PDGFC: variants seen among roughly 807,000 people sequenced by gnomAD.
PDGFC encodes platelet derived growth factor C.
PDGFC carries 12 observed loss-of-function variants against 35.5 expected under a neutral mutation model. That is an observed-to-expected ratio of 0.34 (90% CI 0.22 to 0.55). The LOEUF (loss-of-function observed/expected upper bound fraction) is 0.55, where lower values mean the gene tolerates loss of function less well. PDGFC is among the 20% of genes least tolerant of loss of function. The pLI, the probability that PDGFC is intolerant of heterozygous loss-of-function variation, is 0.91. For synonymous variants in PDGFC, 159 were observed against 148.8 expected (o/e 1.07, Z -0.50); for missense variants, 322 against 412.4 (o/e 0.78, Z 1.90).
At chr4:156,898,710 G>A (rs902111963) in intron 1 of PDGFC, among the ~76,000 whole-genome samples, 8 of 151,142 alleles carry the variant, frequency 5.3e-5, no homozygotes, top group East Asian at 1.9e-4. Flanking sequence ...CCAGCCTGGC[G>A]TGCACTGGCA....
intron 2 of PDGFC, among the ~76,000 whole-genome samples, chr4:156,832,253 C>CTTTTTTTTTTTTTTT (rs542396769): frequency 7.4e-5 from 9 of 121,134 alleles, no homozygotes; most frequent in Non-Finnish European, 1.0e-4. Flanking sequence ...TTCTTTCTTT[C>CTTTTTTTTTTTTTTT]TTTTTTTTTT....
intron 2 of PDGFC, among the ~76,000 whole-genome samples, chr4:156,819,547 A>C (rs1732190926): frequency 6.6e-6 from 1 of 152,330 alleles, no homozygotes; most frequent in East Asian, 1.9e-4. Flanking sequence ...ATGGTTTACT[A>C]AATATTTTAA....
intron 1 of PDGFC, among the ~76,000 whole-genome samples, chr4:156,916,499 C>G (rs1219448577): frequency 6.6e-6 from 1 of 152,176 alleles, no homozygotes; most frequent in Non-Finnish European, 1.5e-5. Context: ...TGTCACATAC[C>G]TTACTAGGCC....
chr4:156,933,917 T>C (rs184781840), intron 1 of PDGFC, among the ~76,000 whole-genome samples: 50 of 152,320 alleles, frequency 3.3e-4, no homozygotes, highest in African/African-American at 1.1e-3. Flanking sequence ...TCCCCAGCCA[T>C]GTGGAACTGT....
At position 156,850,418 on chromosome 4, in the gene PDGFC, T is replaced by G; in HGVS notation, c.119-2A>C. On this transcript the variant is annotated splice_acceptor_variant, in intron 1 of 5. Coordinates refer to ENST00000502773, the MANE Select transcript of PDGFC (RefSeq NM_016205.3). LOFTEE classifies it high-confidence loss of function. ...TCTCATGCTGAGGATCTTGTACTCC[T>G]AAAGCAAAAAACATAGACATAGACA... 6.4e-7 allele frequency: 1 copy of G among 1,553,794 alleles called. No homozygotes were observed. The highest frequency in any genetic ancestry group is 8.7e-7 in the Non-Finnish European group (1 of 1,144,154).
At chr4:156,805,388 G>C (rs150815569) in intron 3 of PDGFC, among the ~76,000 whole-genome samples, 2 of 151,794 alleles carry the variant, frequency 1.3e-5, no homozygotes, top group Admixed American at 1.3e-4. Flanking sequence ...CTTAATTCTC[G>C]AGGTAAATAC....
intron 1 of PDGFC, among the ~76,000 whole-genome samples, chr4:156,919,789 C>T (rs1472501042): frequency 5.9e-5 from 9 of 152,206 alleles, no homozygotes; most frequent in Non-Finnish European, 1.3e-4. Flanking sequence ...AATATTTTAG[C>T]TCTCTAGGAA....
intron 1 of PDGFC, among the ~76,000 whole-genome samples, chr4:156,914,739 C>T (rs963442072): frequency 1.3e-5 from 2 of 152,162 alleles, no homozygotes; most frequent in African/African-American, 4.8e-5. Context: ...CTGGTGATTT[C>T]TAAAAGTCTC....
In PDGFC at chr4:156,762,428, CTTCTT is replaced by C. The variant is rs1000338811; in HGVS notation, c.*657_*661del. 6.6e-6 allele frequency: 1 copy of C among 152,524 alleles called. No individual in the cohort carries two copies. The highest frequency in any genetic ancestry group is 1.5e-5 in the Non-Finnish European group (1 of 68,018). The allele number at this position is 152,524 out of a possible 1,614,324, so 9.4% of individuals were successfully genotyped here. A position where few individuals can be genotyped will look rare whatever the true frequency, so the allele number is the denominator to read the frequency against. ...TCGATAAAGTGAAGATAAGGCCACTCTTCTTTTCAGGTTTATCTCTTCCAAACCAT... is the reference window on the plus strand; with the variant it reads ...TCGATAAAGTGAAGATAAGGCCACTCTTCAGGTTTATCTCTTCCAAACCAT... On this transcript the variant is annotated 3_prime_UTR_variant, in exon 6 of 6. Transcript: ENST00000502773.
chr4:156,866,509 T>C (rs1729845916), intron 1 of PDGFC, among the ~76,000 whole-genome samples: 1 of 152,128 alleles, frequency 6.6e-6, no homozygotes, highest in African/African-American at 2.4e-5. Context: ...ACAGTTACCA[T>C]GTGCAGTGGG....
chr4:156,904,046 A>T (rs1353452652), intron 1 of PDGFC, among the ~76,000 whole-genome samples: 2 of 152,152 alleles, frequency 1.3e-5, no homozygotes, highest in African/African-American at 4.8e-5. Flanking sequence ...ACAATAATTG[A>T]TTTTGTAAAT....
At chr4:156,794,619 A>G (rs1211000230) in intron 3 of PDGFC, among the ~76,000 whole-genome samples, 5 of 152,022 alleles carry the variant, frequency 3.3e-5, no homozygotes, top group African/African-American at 1.2e-4. Context: ...CTTTTTATTA[A>G]TAAGATAAAA....
At chr4:156,780,107 G>GTTTTTTTTTTTTTTTTTTTT (rs35403686) in intron 3 of PDGFC, among the ~76,000 whole-genome samples, 1 of 125,026 alleles carries the variant, frequency 8.0e-6, no homozygotes, top group African/African-American at 2.9e-5. Flanking sequence ...CAAAATTAAG[G>GTTTTTTTTTTTTTTTTTTTT]TTTTTTTTTT....
intron 3 of PDGFC, among the ~76,000 whole-genome samples, chr4:156,795,875 C>T (rs1310959932): frequency 2.6e-5 from 4 of 152,126 alleles, no homozygotes; most frequent in African/African-American, 9.7e-5. Flanking sequence ...TGAATCTTGA[C>T]ATCAGTTTAA....
intron 3 of PDGFC, among the ~76,000 whole-genome samples, chr4:156,801,132 C>T (rs1172443759): frequency 1.3e-5 from 2 of 152,002 alleles, no homozygotes; most frequent in African/African-American, 4.8e-5. Flanking sequence ...TTCTGATGAC[C>T]AATAGCTCCA....
rs1390899557 is a variant in PDGFC, at chr4:156,825,587, T to TAAGAAGAAGAAG, written c.315-14571_315-14570insCTTCTTCTTCTT. 4.4e-3 allele frequency among the ~76,000 whole-genome samples: 382 copies of TAAGAAGAAGAAG among 87,050 alleles called. 1 individual carries two copies. Among genetic ancestry groups the TAAGAAGAAGAAG allele is most frequent in the East Asian group, 6.0e-3 (17 of 2,856 alleles). The allele number at this position is 87,050 out of a possible 152,430, so 57.1% of individuals were successfully genotyped here. On this transcript the variant is annotated intron_variant, in intron 2 of 5. Transcript: ENST00000502773. ...ATAATAATAATAATAATAATAATAA[T>TAAGAAGAAGAAG]AATAATAAGAAGAAGAAGAAGAAGA...
intron 1 of PDGFC, among the ~76,000 whole-genome samples, chr4:156,942,487 C>G: frequency 6.6e-6 from 1 of 151,734 alleles, no homozygotes; most frequent in East Asian, 1.9e-4. Flanking sequence ...AGTAACACTA[C>G]AGCTGTATGA....
At chr4:156,929,815 C>T (rs969504740) in intron 1 of PDGFC, among the ~76,000 whole-genome samples, 6 of 152,160 alleles carry the variant, frequency 3.9e-5, no homozygotes, top group Non-Finnish European at 5.9e-5. Flanking sequence ...TTTGATTTCA[C>T]AAGTTACCTC....
chr4:156,850,515 C>A, intron 1 of PDGFC, 99 bp from the exon 2 acceptor site: 1 of 583,882 alleles, frequency 1.7e-6, no homozygotes, highest in Non-Finnish European at 2.9e-6. Flanking sequence ...CAGACAAGTG[C>A]TGAGTGTGTT....
Sources: gnomAD v4.1 joint callset for allele counts (sites outside exome capture counted in the v4.1 genomes callset) on GRCh38, gnomAD v4.1.1 for gene constraint, MANE v1.5 for transcripts, NCBI Gene and HGNC (gene_info 2026-07-23, HGNC 2026-07-21) for gene names.